Variants in DGKI observed in about 807,000 individuals in gnomAD.
DGKI encodes DAG kinase iota.
DGKI carries 55 observed loss-of-function variants against 147.5 expected under a neutral mutation model. That is an observed-to-expected ratio of 0.37 (90% confidence interval 0.30 to 0.47). DGKI has a LOEUF of 0.47. Among genes scored for constraint, DGKI ranks in the 20% least tolerant of loss-of-function variants. DGKI has a pLI of 1.00. For missense variants in DGKI, 1,007 were observed against 1,323.8 expected (o/e 0.76, Z 3.71); for synonymous variants, 469 against 477.1 (o/e 0.98, Z 0.22).
intron 1 of DGKI, among the ~76,000 whole-genome samples, chr7:137,712,525 C>T (rs1017112732): frequency 6.6e-6 from 1 of 152,100 alleles, no homozygotes; most frequent in East Asian, 1.9e-4. Context: ...ATATGTAAGC[C>T]TTTACACAGT....
intron 15 of DGKI, 109 bp downstream of exon 15, chr7:137,581,741 C>A (rs1319683632): frequency 2.2e-6 from 2 of 894,378 alleles, no homozygotes; most frequent in African/African-American, 3.3e-5. Context: ...AATGAAACAA[C>A]ACTGAAGCAC....
At chr7:137,778,540 C>A (rs548970391) in intron 1 of DGKI, among the ~76,000 whole-genome samples, 7 of 151,592 alleles carry the variant, frequency 4.6e-5, no homozygotes, top group Non-Finnish European at 8.8e-5. Context: ...CTGTTAATAG[C>A]AAAGTAGCTA....
intron 30 of DGKI, 26 bp downstream of exon 30, chr7:137,407,849 T>G: frequency 6.2e-7 from 1 of 1,612,188 alleles, no homozygotes; most frequent in Non-Finnish European, 8.5e-7. Flanking sequence ...TAAGTGATCC[T>G]TGGTAAGTTC....
intron 26 of DGKI, among the ~76,000 whole-genome samples, chr7:137,465,148 T>C (rs1003286601): frequency 1.3e-5 from 2 of 152,222 alleles, no homozygotes; most frequent in African/African-American, 4.8e-5. Context: ...TTTCTACTTA[T>C]TTTCTGTGAA....
rs202147237 is a variant in DGKI, at chr7:137,632,593, T to TCA, written c.805-9041_805-9040dup. ...AAAGATACAGGCCGGGCATGGTGGC[T>TCA]CACACCTGTAATCCCAGCATTTTGG... On this transcript the variant is annotated intron_variant, in intron 6 of 32. Coordinates refer to ENST00000614521, the MANE Select transcript of DGKI (RefSeq NM_001321708.2). Among the ~76,000 whole-genome samples, 683 of 152,256 alleles carry TCA rather than the reference T, an allele frequency of 4.5e-3. 11 individuals are homozygous for TCA. Among genetic ancestry groups the TCA allele is most frequent in the African/African-American group, 0.015 (634 of 41,546 alleles).
At chr7:137,536,512 CA>C (rs1563073760) in intron 20 of DGKI, among the ~76,000 whole-genome samples, 1 of 152,166 alleles carries the variant, frequency 6.6e-6, no homozygotes, top group Non-Finnish European at 1.5e-5. Context: ...TGTCCCATAG[CA>C]AGTCTCATCC....
chr7:137,433,522 AATTAT>A (rs1426061109), intron 28 of DGKI, among the ~76,000 whole-genome samples: 5 of 152,214 alleles, frequency 3.3e-5, no homozygotes, highest in East Asian at 3.8e-4. Flanking sequence ...CTCACATGAG[AATTAT>A]ATTATAATAA....
chr7:137,757,623 A>C (rs1013981537), intron 1 of DGKI, among the ~76,000 whole-genome samples: 1 of 152,052 alleles, frequency 6.6e-6, no homozygotes, highest in Non-Finnish European at 1.5e-5. Context: ...CCATTATCTG[A>C]CCCTCAACAC....
intron 20 of DGKI, among the ~76,000 whole-genome samples, chr7:137,542,095 C>T (rs560169361): frequency 2.0e-5 from 3 of 152,304 alleles, no homozygotes; most frequent in Non-Finnish European, 2.9e-5. Flanking sequence ...TGGACATATG[C>T]TTCCCAAATG....
At chr7:137,664,860 A>G (rs1037226455) in intron 3 of DGKI, among the ~76,000 whole-genome samples, 3 of 152,186 alleles carry the variant, frequency 2.0e-5, no homozygotes, top group African/African-American at 7.2e-5. Flanking sequence ...AATTAAAGAG[A>G]GAAAGGGAGA....
intron 1 of DGKI, among the ~76,000 whole-genome samples, chr7:137,741,447 CAAGG>C (rs1795170941): frequency 1.3e-5 from 2 of 152,210 alleles, no homozygotes; most frequent in African/African-American, 4.8e-5. Context: ...ATTAATCCCA[CAAGG>C]TTCCTTCTGG....
At chr7:137,794,482 T>G (rs10269220) in intron 1 of DGKI, among the ~76,000 whole-genome samples, 2 of 152,360 alleles carry the variant, frequency 1.3e-5, no homozygotes, top group East Asian at 3.8e-4. Context: ...CACATGAAGA[T>G]GTAAACATGC....
chr7:137,672,540 A>G (rs1563143290), intron 3 of DGKI, among the ~76,000 whole-genome samples: 1 of 152,218 alleles, frequency 6.6e-6, no homozygotes, highest in East Asian at 1.9e-4. Flanking sequence ...TTAAAACAAC[A>G]GAAATGTATT....
intron 15 of DGKI, 86 bp from the exon 16 acceptor site, chr7:137,578,411 C>T: frequency 1.1e-6 from 1 of 918,212 alleles, no homozygotes; most frequent in Non-Finnish European, 1.8e-6. Context: ...TCCCCAGCTC[C>T]CTCCTATCCT....
At chr7:137,637,220 G>T (rs546990595) in intron 6 of DGKI, among the ~76,000 whole-genome samples, 144 of 152,258 alleles carry the variant, frequency 9.5e-4, no homozygotes, top group Non-Finnish European at 1.6e-3. Context: ...TTCCTTACCG[G>T]TGTCACTTCT....
intron 19 of DGKI, among the ~76,000 whole-genome samples, chr7:137,567,235 G>A (rs886798092): frequency 6.7e-6 from 1 of 148,422 alleles, no homozygotes; most frequent in African/African-American, 2.5e-5. Flanking sequence ...TTGCACTCCA[G>A]CCTGGGCAAC....
intron 21 of DGKI, among the ~76,000 whole-genome samples, chr7:137,495,063 TA>T (rs1461717204): frequency 6.6e-6 from 1 of 151,886 alleles, no homozygotes; most frequent in Non-Finnish European, 1.5e-5. Flanking sequence ...CAACATTACA[TA>T]ATGGTAGAAA....
At chr7:137,707,706 C>T (rs1794081885) in intron 1 of DGKI, among the ~76,000 whole-genome samples, 1 of 152,184 alleles carries the variant, frequency 6.6e-6, no homozygotes, top group Admixed American at 6.5e-5. Flanking sequence ...CCTGAGGCCT[C>T]CTCAGAAGCA....
intron 21 of DGKI, among the ~76,000 whole-genome samples, chr7:137,489,514 G>A (rs1477677146): frequency 6.6e-6 from 1 of 152,026 alleles, no homozygotes; most frequent in African/African-American, 2.4e-5. Flanking sequence ...AATTCAATAA[G>A]GAGATCTCCT....
Sources: gnomAD v4.1 joint callset for allele counts (sites outside exome capture counted in the v4.1 genomes callset) on GRCh38, gnomAD v4.1.1 for gene constraint, MANE v1.5 for transcripts, NCBI Gene and HGNC (gene_info 2026-07-23, HGNC 2026-07-21) for gene names.